NDUFA6: variants seen among roughly 807,000 people sequenced by gnomAD.
The protein encoded by NDUFA6 is NADH dehydrogenase [ubiquinone] 1 alpha subcomplex subunit 6.
In NDUFA6, 10 loss-of-function variants were observed where a neutral mutation model predicts 12.5. The ratio of observed to expected loss-of-function variants is 0.80; its 90% CI spans 0.49 to 1.35. The LOEUF (loss-of-function observed/expected upper bound fraction) is 1.35, where lower values mean the gene tolerates loss of function less well. Ranked by LOEUF, NDUFA6 falls within the 40% of genes most tolerant of loss-of-function variation. The pLI is 0.00. For synonymous variants in NDUFA6, 66 were observed against 63.0 expected, an observed-to-expected ratio of 1.05 and a Z score of -0.23; for missense variants, 177 against 173.5, an observed-to-expected ratio of 1.02 and a Z score of -0.11.
rs1452043160 is a variant in NDUFA6, at chr22:42,086,284, C to G, written c.286G>C (p.Val96Leu). 2 of 1,614,100 alleles carry G rather than the reference C, an allele frequency of 1.2e-6. No homozygotes were observed. Among genetic ancestry groups the G allele is most frequent in the Non-Finnish European group, 1.7e-6 (2 of 1,180,034 alleles). Residue 96 changes from valine to leucine, a missense_variant, in exon 3 of 3, where the codon GTA becomes CTA. Coordinates refer to ENST00000498737, the MANE Select transcript of NDUFA6 (RefSeq NM_002490.6). ...ATAACATGTGTCCGCTGCTTCCATA[C>G]TTTAATTGTTTCTTCCAGTTCGATC... Reference protein sequence around the residue: ...GKIELEETIKVWKQRTHVMRF... With the variant: ...GKIELEETIKLWKQRTHVMRF...
At chr22:42,086,373 T>C in intron 2 of NDUFA6, 59 bp from the exon 3 acceptor site, 1 of 1,604,566 alleles carries the variant, frequency 6.2e-7, no homozygotes, top group Non-Finnish European at 8.5e-7. Flanking sequence ...CATATGACAC[T>C]GAAGGCCAGG....
chr22:42,090,496 G>A lies in NDUFA6; in HGVS notation c.139+110C>T, dbSNP rs544313952. 5.3e-6 allele frequency: 7 copies of A among 1,321,630 alleles called. No homozygotes were observed. In the African/African-American group the frequency reaches 5.8e-5, roughly 11 times the overall value. 81.9% of individuals were successfully genotyped at this position (1,321,630 alleles called of 1,614,324 possible). On this transcript the variant is annotated intron_variant, in intron 1 of 2. Transcript: ENST00000498737. ...CTCTTCCCCTGAAGCACCCGCAGTC[G>A]CCTCTGCCCAAGTTGGTGACCTCAG...
intron 1 of NDUFA6, among the ~76,000 whole-genome samples, chr22:42,088,001 G>A (rs1279567076): frequency 4.6e-4 from 69 of 149,656 alleles, no homozygotes; most frequent in Admixed American, 1.2e-3. Context: ...CCAGCTACTC[G>A]GGAGACTGAG....
In NDUFA6 at chr22:42,086,070, G is replaced by T; in HGVS notation, c.*113C>A. On this transcript the variant is annotated 3_prime_UTR_variant, in exon 3 of 3. Coordinates refer to ENST00000498737, the MANE Select transcript of NDUFA6 (RefSeq NM_002490.6). Reference sequence around the variant, plus strand: ...AAGGTCCCACTTGCTCAGGCAAAAAGAGGCTGCAGAAAATTGGTTCATCAA... The same window carrying T: ...AAGGTCCCACTTGCTCAGGCAAAAATAGGCTGCAGAAAATTGGTTCATCAA... 6.7e-7 allele frequency: 1 copy of T among 1,485,464 alleles called. No homozygotes were observed. 92.0% of individuals were successfully genotyped at this position (1,485,464 alleles called of 1,614,324 possible). A position where few individuals can be genotyped will look rare whatever the true frequency, so the allele number is the denominator to read the frequency against.
At position 42,086,084 on chromosome 22, in the gene NDUFA6, T is replaced by C; in HGVS notation, c.*99A>G. ...TCAGGCAAAAAGAGGCTGCAGAAAA[T>C]TGGTTCATCAATGGAATTCTATCAC... On this transcript the variant is annotated 3_prime_UTR_variant, in exon 3 of 3. Coordinates refer to ENST00000498737, the MANE Select transcript of NDUFA6 (RefSeq NM_002490.6). The C allele has an allele frequency of 6.4e-7, 1 of 1,560,572 alleles. No individual in the cohort carries two copies.
intron 2 of NDUFA6, among the ~76,000 whole-genome samples, chr22:42,086,551 A>G (rs1380711222): frequency 1.3e-5 from 2 of 152,220 alleles, no homozygotes; most frequent in Non-Finnish European, 2.9e-5. Flanking sequence ...GGAGAAACAT[A>G]CAGGTTAACA....
intron 2 of NDUFA6, 68 bp downstream of exon 2, chr22:42,086,992 T>C (rs555262396): frequency 2.8e-5 from 31 of 1,106,560 alleles, no homozygotes; most frequent in Middle Eastern, 3.9e-4. Context: ...AAAATGTTCA[T>C]TTGGAAAGAC....
At chr22:42,087,295 G>A in intron 1 of NDUFA6, 120 bp from the exon 2 acceptor site, 1 of 766,334 alleles carries the variant, frequency 1.3e-6, no homozygotes, top group Middle Eastern at 2.3e-4. Context: ...AAATTAGCCT[G>A]ACCCTAGGCT....
chr22:42,088,263 C>T (rs1446702500), intron 1 of NDUFA6, among the ~76,000 whole-genome samples: 6 of 149,170 alleles, frequency 4.0e-5, no homozygotes, highest in Non-Finnish European at 5.9e-5. Context: ...AAAAATTAGC[C>T]GGGCGCGGTG....
intron 2 of NDUFA6, among the ~76,000 whole-genome samples, chr22:42,086,604 T>C (rs150634018): frequency 3.9e-5 from 6 of 152,358 alleles, no homozygotes; most frequent in East Asian, 3.9e-4. Flanking sequence ...GCTTAACTTA[T>C]GTTTCTGCTT....
rs1928188521 is a variant in NDUFA6 at position 42,085,682 on chromosome 22, G to C, written c.*501C>G. On this transcript the variant is annotated 3_prime_UTR_variant, in exon 3 of 3. Transcript: ENST00000498737. ...GAAGTTAATTTCATTTTAAGGGCTG[G>C]AGCTTGTTACAAGTAGCGGAGCCAA... 1 of 217,528 alleles carries C rather than the reference G, an allele frequency of 4.6e-6. No homozygotes were observed. The highest frequency in any genetic ancestry group is 6.6e-5 in the South Asian group (1 of 15,224). 13.5% of individuals were successfully genotyped at this position (217,528 alleles called of 1,614,324 possible). A position where few individuals can be genotyped will look rare whatever the true frequency, so the allele number is the denominator to read the frequency against.
At position 42,086,329 on chromosome 22, in the gene NDUFA6, G is replaced by A. The variant is rs749142089; in HGVS notation, c.256-15C>T. 60 of 1,614,066 alleles carry A rather than the reference G, an allele frequency of 3.7e-5. No individual in the cohort carries two copies. The highest frequency in any genetic ancestry group is 4.9e-5 in the Non-Finnish European group (58 of 1,180,022). ...TCGATCTTTCCCTGAACAGTGAGGA[G>A]AGAGGTCATCAGTCAAAGTTGTCAA... is the stretch of plus-strand genomic sequence containing the variant. On this transcript the variant is annotated splice_polypyrimidine_tract_variant and intron_variant, in intron 2 of 2. Transcript: ENST00000498737.
chr22:42,089,052 T>G (rs964694255), intron 1 of NDUFA6, among the ~76,000 whole-genome samples: 6 of 152,010 alleles, frequency 3.9e-5, no homozygotes, highest in Admixed American at 2.6e-4. Context: ...TCAAGACCCT[T>G]CTGACTTTGG....
At chr22:42,089,966 G>A (rs1305596705) in intron 1 of NDUFA6, 1 of 162,176 alleles carries the variant, frequency 6.2e-6, no homozygotes, top group Non-Finnish European at 1.4e-5. Context: ...GGATCACGAG[G>A]TCAGGAGATC....
At chr22:42,086,541 G>C (rs1928261900) in intron 2 of NDUFA6, among the ~76,000 whole-genome samples, 1 of 152,184 alleles carries the variant, frequency 6.6e-6, no homozygotes, top group African/African-American at 2.4e-5. Context: ...GGTACCAAGA[G>C]GAGAAACATA....
intron 2 of NDUFA6, 100 bp from the exon 3 acceptor site, chr22:42,086,414 G>A: frequency 6.6e-7 from 1 of 1,512,764 alleles, no homozygotes. Context: ...TGGACTTGTT[G>A]AATGACCTTG....
intron 1 of NDUFA6, 79 bp downstream of exon 1, chr22:42,090,527 C>A (rs898332135): frequency 2.5e-5 from 39 of 1,542,754 alleles, no homozygotes; most frequent in Non-Finnish European, 2.3e-5. Flanking sequence ...CTCAGCTGGG[C>A]CCATGAGAAA....
In NDUFA6 at chr22:42,085,965, C is replaced by T. The variant is rs1928210964; in HGVS notation, c.*218G>A. 2 of 640,558 alleles carry T rather than the reference C, an allele frequency of 3.1e-6. No homozygotes were observed. Among genetic ancestry groups the T allele is most frequent in the Admixed American group, 2.6e-5 (1 of 38,498 alleles). 39.7% of individuals were successfully genotyped at this position (640,558 alleles called of 1,614,324 possible). On this transcript the variant is annotated 3_prime_UTR_variant, in exon 3 of 3. Transcript: ENST00000498737. ...CCTTCCTGTTTACTGACATGCAAGG[C>T]TCTGAGAAAAATAATTCAATCCAAT...
intron 1 of NDUFA6, among the ~76,000 whole-genome samples, chr22:42,087,541 G>A (rs980903715): frequency 2.6e-5 from 4 of 152,090 alleles, no homozygotes; most frequent in Admixed American, 2.0e-4. Context: ...GGTGGCTCAC[G>A]CCTGTAATCC....
Sources: allele counts gnomAD v4.1 joint callset (sites outside exome capture counted in the v4.1 genomes callset), GRCh38; gene constraint gnomAD v4.1.1; transcripts MANE v1.5; gene names NCBI Gene and HGNC (gene_info 2026-07-23, HGNC 2026-07-21).